The following GABRB1 variants were observed in gnomAD, a reference collection of about 807,000 sequenced individuals.
GABRB1 encodes gamma-aminobutyric acid type A receptor subunit beta1, also known as gamma-aminobutyric acid receptor subunit beta-1.
In GABRB1, 17 loss-of-function variants were observed where a neutral mutation model predicts 51.6. The observed-to-expected ratio is 0.33, with a 90% CI of 0.23 to 0.49. The LOEUF is 0.49. Ranked by LOEUF, GABRB1 falls within the 20% of genes least tolerant of loss-of-function variation. The probability of loss-of-function intolerance (pLI) is 0.99; values close to 1 mark genes in which losing one functional copy is unlikely to be tolerated. For missense variants in GABRB1, 410 were observed against 600.6 expected, an observed-to-expected ratio of 0.68 and a Z score of 3.32; for synonymous variants, 247 against 218.9, an observed-to-expected ratio of 1.13 and a Z score of -1.14.
chr4:47,027,645 T>C (rs1056118608), upstream of GABRB1, among the ~76,000 whole-genome samples: 18 of 151,640 alleles, frequency 1.2e-4, no homozygotes, highest in Admixed American at 1.3e-4. Flanking sequence ...AAATGACTTC[T>C]TAAGTTAATT....
At chr4:47,319,934 A>T (rs775036731) in intron 4 of GABRB1, among the ~76,000 whole-genome samples, 193 bp from the exon 5 acceptor site, 19 of 152,140 alleles carry the variant, frequency 1.2e-4, no homozygotes, top group Non-Finnish European at 2.5e-4. Context: ...TTAGAAATTT[A>T]TCCATTTCCA....
At chr4:47,110,230 A>G (rs1227432886) in intron 3 of GABRB1, among the ~76,000 whole-genome samples, 1 of 152,086 alleles carries the variant, frequency 6.6e-6, no homozygotes, top group Non-Finnish European at 1.5e-5. Flanking sequence ...CCATCATCCC[A>G]TCTTCCATCT....
intron 4 of GABRB1, among the ~76,000 whole-genome samples, chr4:47,211,981 G>T (rs1432627107): frequency 2.0e-5 from 3 of 152,022 alleles, no homozygotes; most frequent in Admixed American, 1.3e-4. Flanking sequence ...CATCTACAAA[G>T]TTCCTTTTTT....
intron 5 of GABRB1, among the ~76,000 whole-genome samples, chr4:47,329,542 A>G (rs1460549349): frequency 6.7e-6 from 1 of 148,632 alleles, no homozygotes; most frequent in African/African-American, 2.4e-5. Flanking sequence ...TTAGAAATAT[A>G]TATATATTTA....
intron 3 of GABRB1, among the ~76,000 whole-genome samples, chr4:47,095,235 A>G (rs911187538): frequency 6.6e-6 from 1 of 151,946 alleles, no homozygotes; most frequent in Admixed American, 6.6e-5. Flanking sequence ...TCATAACACC[A>G]GTTTCCCAAA....
At chr4:47,246,334 GTACATATATATA>G (rs1560295688) in intron 4 of GABRB1, among the ~76,000 whole-genome samples, 3 of 7,654 alleles carry the variant, frequency 3.9e-4, no homozygotes, top group Non-Finnish European at 7.8e-4. Flanking sequence ...ACACACATAT[GTACATATATATA>G]TATATATATA....
intron 8 of GABRB1, among the ~76,000 whole-genome samples, chr4:47,415,074 C>T (rs1728869313): frequency 1.3e-5 from 2 of 152,210 alleles, no homozygotes; most frequent in South Asian, 2.1e-4. Flanking sequence ...TGATTTAATC[C>T]TATCCTATCT....
chr4:47,411,351 G>A (rs983153871), intron 8 of GABRB1, among the ~76,000 whole-genome samples: 59 of 152,120 alleles, frequency 3.9e-4, no homozygotes, highest in African/African-American at 1.2e-3. Context: ...GCAAAAACTT[G>A]GATGTCTCTC....
At chr4:47,278,753 G>A (rs955245026) in intron 4 of GABRB1, among the ~76,000 whole-genome samples, 3 of 152,062 alleles carry the variant, frequency 2.0e-5, no homozygotes, top group Admixed American at 6.6e-5. Flanking sequence ...GCTCACAAAA[G>A]CATGACAATT....
chr4:47,167,379 G>A (rs574376853), intron 4 of GABRB1, among the ~76,000 whole-genome samples: 2 of 151,796 alleles, frequency 1.3e-5, no homozygotes, highest in African/African-American at 4.8e-5. Flanking sequence ...ATTCTGAGAA[G>A]ACATTTAGTG....
chr4:47,199,292 G>A (rs1719804767), intron 4 of GABRB1, among the ~76,000 whole-genome samples: 1 of 152,064 alleles, frequency 6.6e-6, no homozygotes, highest in Non-Finnish European at 1.5e-5. Context: ...GACAGACAAG[G>A]GTGTGGCTGG....
intron 4 of GABRB1, among the ~76,000 whole-genome samples, chr4:47,265,787 T>A (rs767392735): frequency 6.6e-6 from 1 of 152,076 alleles, no homozygotes; most frequent in South Asian, 2.1e-4. Context: ...CCTACGGGGG[T>A]CATTTGTTTT....
intron 5 of GABRB1, among the ~76,000 whole-genome samples, chr4:47,367,417 C>A (rs1407273005): frequency 6.6e-6 from 1 of 152,170 alleles, no homozygotes; most frequent in African/African-American, 2.4e-5. Context: ...AAAGCTTATT[C>A]TATCCTCCAA....
chr4:47,106,038 TGCCCTGTGACCTCAGCACTC>T (rs1714954572), intron 3 of GABRB1, among the ~76,000 whole-genome samples: 1 of 152,136 alleles, frequency 6.6e-6, no homozygotes, highest in African/African-American at 2.4e-5. Context: ...ATTGCTTGCT[TGCCCTGTGACCTCAGCACTC>T]ATTAATTCAA....
intron 4 of GABRB1, among the ~76,000 whole-genome samples, chr4:47,277,443 T>A (rs1311428017): frequency 1.3e-5 from 2 of 152,076 alleles, no homozygotes; most frequent in Non-Finnish European, 2.9e-5. Flanking sequence ...AGACCTACTA[T>A]TTGATAGCAC....
chr4:47,335,409 A>G (rs1421328097), intron 5 of GABRB1, among the ~76,000 whole-genome samples: 1 of 152,152 alleles, frequency 6.6e-6, no homozygotes, highest in Non-Finnish European at 1.5e-5. Flanking sequence ...GATTGGAAAT[A>G]TTCGGAAGTG....
chr4:47,254,494 T>C (rs1320790592), intron 4 of GABRB1, among the ~76,000 whole-genome samples: 1 of 146,740 alleles, frequency 6.8e-6, no homozygotes, highest in African/African-American at 2.5e-5. Flanking sequence ...GCCTCCGGAG[T>C]AGCTGGGACT....
intron 3 of GABRB1, among the ~76,000 whole-genome samples, chr4:47,065,565 C>A (rs1727040411): frequency 6.6e-6 from 1 of 152,370 alleles, no homozygotes; most frequent in East Asian, 1.9e-4. Flanking sequence ...GAATTGAATT[C>A]CAATATGCCA....
chr4:47,381,106 C>T (rs1727580731), intron 5 of GABRB1, among the ~76,000 whole-genome samples: 1 of 152,120 alleles, frequency 6.6e-6, no homozygotes, highest in Non-Finnish European at 1.5e-5. Context: ...TGCACTGTCT[C>T]CCCGTTGTGC....
Sources: gnomAD v4.1 joint callset for allele counts (sites outside exome capture counted in the v4.1 genomes callset) on GRCh38, gnomAD v4.1.1 for gene constraint, MANE v1.5 for transcripts, NCBI Gene and HGNC (gene_info 2026-07-23, HGNC 2026-07-21) for gene names.